TSGA10: variants seen among roughly 807,000 people sequenced by gnomAD.
TSGA10 encodes the protein testis-specific gene 10 protein.
Under a neutral mutation model 96.6 loss-of-function variants are expected in TSGA10, and 43 were observed. The observed-to-expected ratio is 0.44, with a 90% confidence interval of 0.35 to 0.57. The LOEUF (loss-of-function observed/expected upper bound fraction) is 0.57. Among genes scored for constraint, TSGA10 ranks in the 20% least tolerant of loss-of-function variants. The pLI, the probability that TSGA10 is intolerant of heterozygous loss-of-function variation, is 0.01. For synonymous variants in TSGA10, 229 were observed against 269.9 expected (o/e 0.85, Z 1.48); for missense variants, 703 against 834.4 (o/e 0.84, Z 1.94).
At chr2:99,086,259 T>A (rs1217210355) in intron 10 of TSGA10, among the ~76,000 whole-genome samples, 1 of 152,194 alleles carries the variant, frequency 6.6e-6, no homozygotes, top group African/African-American at 2.4e-5. Flanking sequence ...GACCACTACA[T>A]GACACCATAC....
At chr2:99,014,427 C>A (rs1247529657) in intron 20 of TSGA10, among the ~76,000 whole-genome samples, 1 of 152,110 alleles carries the variant, frequency 6.6e-6, no homozygotes, top group African/African-American at 2.4e-5. Flanking sequence ...AAATTAAAAA[C>A]TTCTTTGAAC....
At chr2:99,063,309 G>A (rs1229367972) in intron 16 of TSGA10, among the ~76,000 whole-genome samples, 1 of 152,070 alleles carries the variant, frequency 6.6e-6, no homozygotes, top group African/African-American at 2.4e-5. Context: ...CTCTGGCCTT[G>A]GGATTGTATA....
chr2:99,029,352 G>C (rs2080932958), intron 17 of TSGA10, among the ~76,000 whole-genome samples: 1 of 151,916 alleles, frequency 6.6e-6, no homozygotes, highest in Non-Finnish European at 1.5e-5. Context: ...TTTAGAGATA[G>C]AAAATCAAGA....
chr2:99,006,846 G>A (rs760160614), intron 20 of TSGA10, among the ~76,000 whole-genome samples: 4 of 152,094 alleles, frequency 2.6e-5, no homozygotes, highest in African/African-American at 4.8e-5. Flanking sequence ...ACATGCACAC[G>A]TATGTTTATT....
intron 16 of TSGA10, among the ~76,000 whole-genome samples, chr2:99,061,342 T>C (rs939238617): frequency 3.9e-5 from 6 of 152,190 alleles, no homozygotes; most frequent in Admixed American, 1.3e-4. Context: ...ATAACCTTAC[T>C]CATCTATTAA....
At chr2:99,085,771 CAT>C (rs1416008056) in intron 10 of TSGA10, among the ~76,000 whole-genome samples, 1 of 151,192 alleles carries the variant, frequency 6.6e-6, no homozygotes, top group Non-Finnish European at 1.5e-5. Flanking sequence ...AAAAAAAATA[CAT>C]GTTGTAAATA....
At chr2:99,005,697 C>T (rs528859380) in intron 20 of TSGA10, among the ~76,000 whole-genome samples, 34 of 152,156 alleles carry the variant, frequency 2.2e-4, no homozygotes, top group African/African-American at 4.6e-4. Context: ...GAATCAATAT[C>T]GTGAAAATGG....
At chr2:99,046,993 G>A (rs1054909468) in intron 16 of TSGA10, among the ~76,000 whole-genome samples, 1 of 152,100 alleles carries the variant, frequency 6.6e-6, no homozygotes, top group Non-Finnish European at 1.5e-5. Context: ...TAAATTCCTG[G>A]ACACATACAC....
At chr2:99,148,190 T>C (rs1433645495) in intron 1 of TSGA10, 1 of 152,236 alleles carries the variant, frequency 6.6e-6, no homozygotes, top group African/African-American at 2.4e-5. Context: ...GTTTATCTGA[T>C]TGTTTCCTCA....
chr2:99,012,337 T>C (rs758967554), intron 20 of TSGA10, among the ~76,000 whole-genome samples: 4 of 152,184 alleles, frequency 2.6e-5, no homozygotes, highest in Admixed American at 6.5e-5. Flanking sequence ...AACATCTTAA[T>C]ACTAATGTTG....
chr2:99,006,346 G>A (rs1263878177), intron 20 of TSGA10, among the ~76,000 whole-genome samples: 2 of 152,116 alleles, frequency 1.3e-5, no homozygotes, highest in Non-Finnish European at 2.9e-5. Flanking sequence ...TACCATCAGA[G>A]TGAACAGGCA....
At chr2:99,072,917 T>C in intron 13 of TSGA10, 101 bp downstream of exon 13, 2 of 804,860 alleles carry the variant, frequency 2.5e-6, no homozygotes, top group Non-Finnish European at 4.2e-6. Flanking sequence ...GTTAGCACCT[T>C]ACACGTATCA....
intron 1 of TSGA10, chr2:99,141,168 C>T: frequency 1.5e-5 from 19 of 1,257,704 alleles, no homozygotes; most frequent in Non-Finnish European, 1.8e-5. Context: ...TCGGCCTCAG[C>T]GGGGGATACA....
chr2:99,119,228 T>C (rs745344679), intron 2 of TSGA10, among the ~76,000 whole-genome samples: 6 of 152,206 alleles, frequency 3.9e-5, no homozygotes, highest in Non-Finnish European at 8.8e-5. Context: ...TACAATGCCA[T>C]TTATTGTACC....
At chr2:99,095,465 A>T (rs2089931532) in intron 10 of TSGA10, among the ~76,000 whole-genome samples, 1 of 152,200 alleles carries the variant, frequency 6.6e-6, no homozygotes, top group Non-Finnish European at 1.5e-5. Flanking sequence ...TACTATTAAT[A>T]CTTTTTTAAG....
intron 16 of TSGA10, among the ~76,000 whole-genome samples, chr2:99,045,992 G>T (rs539107531): frequency 1.3e-5 from 2 of 152,264 alleles, no homozygotes; most frequent in East Asian, 3.9e-4. Flanking sequence ...TTACATAATG[G>T]TAAAGGGATC....
chr2:99,139,712 TA>T (rs1023820293), intron 1 of TSGA10, among the ~76,000 whole-genome samples: 6 of 151,952 alleles, frequency 3.9e-5, no homozygotes, highest in East Asian at 1.9e-4. Flanking sequence ...AGATTAATCT[TA>T]AAAAAAATGT....
chr2:99,034,687 T>C (rs1018717685), intron 17 of TSGA10, among the ~76,000 whole-genome samples: 1 of 152,162 alleles, frequency 6.6e-6, no homozygotes, highest in Non-Finnish European at 1.5e-5. Flanking sequence ...CTGATATTCC[T>C]GGGCTGAATA....
chr2:99,074,733 G>A (rs535600647), intron 12 of TSGA10, among the ~76,000 whole-genome samples: 1 of 152,222 alleles, frequency 6.6e-6, no homozygotes, highest in Admixed American at 6.5e-5. Context: ...GGGTGAGGCA[G>A]GCGGAACACG....
Sources: gnomAD v4.1 joint callset for allele counts (sites outside exome capture counted in the v4.1 genomes callset) on GRCh38, gnomAD v4.1.1 for gene constraint, MANE v1.5 for transcripts, NCBI Gene and HGNC (gene_info 2026-07-23, HGNC 2026-07-21) for gene names.